The following COL5A1 variants were observed in gnomAD, a reference collection of about 807,000 sequenced individuals.
COL5A1 encodes collagen alpha-1(V) chain.
COL5A1 carries 16 observed loss-of-function variants against 263.7 expected under a neutral mutation model. That is an observed-to-expected ratio of 0.06 (90% CI 0.04 to 0.09). COL5A1 has a LOEUF of 0.09. Ranked by LOEUF, COL5A1 falls within the 10% of genes least tolerant of loss-of-function variation. The pLI, the probability that COL5A1 is intolerant of heterozygous loss-of-function variation, is 1.00. For missense variants in COL5A1, 2,036 were observed against 2,540.5 expected, an observed-to-expected ratio of 0.80 and a Z score of 4.27; for synonymous variants, 1,012 against 1,004.5, an observed-to-expected ratio of 1.01 and a Z score of -0.14.
intron 37 of COL5A1, 67 bp downstream of exon 37, chr9:134,798,528 C>T: frequency 1.4e-6 from 2 of 1,480,088 alleles, no homozygotes; most frequent in Non-Finnish European, 1.9e-6. Flanking sequence ...GTGGGCACAG[C>T]CCTCGCTGCC....
intron 4 of COL5A1, among the ~76,000 whole-genome samples, chr9:134,719,316 C>T (rs1479029116): frequency 1.3e-5 from 2 of 152,218 alleles, no homozygotes; most frequent in South Asian, 2.1e-4. Flanking sequence ...ATGTATGTCA[C>T]GCACACACAC....
intron 11 of COL5A1, among the ~76,000 whole-genome samples, chr9:134,748,420 C>A (rs911614782): frequency 6.6e-6 from 1 of 152,218 alleles, no homozygotes; most frequent in African/African-American, 2.4e-5. Context: ...CATACATGCA[C>A]ACACACTTAC....
At chr9:134,685,124 A>G (rs866346430) in intron 1 of COL5A1, among the ~76,000 whole-genome samples, 4 of 80,554 alleles carry the variant, frequency 5.0e-5, no homozygotes, top group South Asian at 3.7e-4. Flanking sequence ...TCATCCATCC[A>G]TCCATCCATC....
intron 28 of COL5A1, 81 bp from the exon 29 acceptor site, chr9:134,782,586 G>A (rs1019173453): frequency 8.4e-6 from 11 of 1,316,762 alleles, no homozygotes; most frequent in Non-Finnish European, 1.2e-5. Flanking sequence ...TGCTGAGTGT[G>A]GTTGTTTGGA....
rs898717241 is a variant in COL5A1 at position 134,700,998 on chromosome 9, C to A, written c.492-173C>A. Among the ~76,000 whole-genome samples the A allele has an allele frequency of 1.3e-5, 2 of 152,060 alleles. No homozygotes were observed. Among genetic ancestry groups the A allele is most frequent in the Admixed American group, 1.3e-4 (2 of 15,268 alleles). On this transcript the variant is annotated intron_variant, in intron 3 of 65. Transcript: ENST00000371817. This position sits in a 1 kb window ranked among gnomAD's most constrained non-coding sequence, Gnocchi z 4.0. ...TGGGGAATGAGTAGATCTCATGGCA[C>A]GGGGTGTTGCCCTAACTTGTCTGAT... is the stretch of plus-strand genomic sequence containing the variant.
chr9:134,785,454 A>AC (rs1837421182), intron 30 of COL5A1, among the ~76,000 whole-genome samples: 1 of 152,146 alleles, frequency 6.6e-6, no homozygotes, highest in Admixed American at 6.5e-5. Context: ...CATGGCCTGA[A>AC]GGTGTGGCAG....
At chr9:134,734,620 A>G (rs1459374724) in intron 9 of COL5A1, among the ~76,000 whole-genome samples, 1 of 152,026 alleles carries the variant, frequency 6.6e-6, no homozygotes, top group Non-Finnish European at 1.5e-5. Flanking sequence ...GGTCTTTCCC[A>G]CTCAGTCCCG....
intron 9 of COL5A1, among the ~76,000 whole-genome samples, chr9:134,732,921 G>A (rs1320675309): frequency 2.6e-5 from 4 of 152,158 alleles, no homozygotes; most frequent in East Asian, 3.9e-4. Flanking sequence ...GCCCCGCCCC[G>A]CCGCCGGCAG....
rs1835900938 is a variant in COL5A1 at position 134,754,415 on chromosome 9, G to A, written c.1827+89G>A. On this transcript the variant is annotated intron_variant, in intron 16 of 65. Coordinates refer to ENST00000371817, the MANE Select transcript of COL5A1 (RefSeq NM_000093.5). The surrounding 1 kb of genome is among the most constrained non-coding windows in gnomAD (Gnocchi z 4.3). ...GGGGTGCGGGCACCCCCAACAGCCAGCTGGGCCACATGAAGCCAGGTGGCT... is the reference window on the plus strand; with the variant it reads ...GGGGTGCGGGCACCCCCAACAGCCAACTGGGCCACATGAAGCCAGGTGGCT... 6.8e-7 allele frequency: 1 copy of A among 1,470,344 alleles called. No individual in the cohort carries two copies. The highest frequency in any genetic ancestry group is 2.3e-5 in the East Asian group (1 of 44,232). 91.1% of individuals were successfully genotyped at this position (1,470,344 alleles called of 1,614,324 possible). A position where few individuals can be genotyped will look rare whatever the true frequency, so the allele number is the denominator to read the frequency against.
chr9:134,697,948 G>A (rs1302190795), intron 2 of COL5A1, among the ~76,000 whole-genome samples: 1 of 152,226 alleles, frequency 6.6e-6, no homozygotes, highest in Non-Finnish European at 1.5e-5. Flanking sequence ...ATCAGGCGTG[G>A]TGGTGTGGAC....
intron 4 of COL5A1, among the ~76,000 whole-genome samples, chr9:134,721,156 G>C (rs1834438042): frequency 6.6e-6 from 1 of 152,092 alleles, no homozygotes; most frequent in Non-Finnish European, 1.5e-5. Flanking sequence ...AGGTCTCAGG[G>C]ATGCAGGAGG....
At chr9:134,728,486 C>T (rs1834738745) in intron 5 of COL5A1, among the ~76,000 whole-genome samples, 184 bp from the exon 6 acceptor site, 1 of 152,238 alleles carries the variant, frequency 6.6e-6, no homozygotes, top group African/African-American at 2.4e-5. Flanking sequence ...TCTGATGAGG[C>T]TGCGTCAGCT....
At chr9:134,749,844 A>C (rs947358967) in intron 11 of COL5A1, among the ~76,000 whole-genome samples, 5 of 152,242 alleles carry the variant, frequency 3.3e-5, no homozygotes, top group African/African-American at 9.6e-5. Flanking sequence ...TTTGAAAATA[A>C]ATCATCTTAC....
intron 4 of COL5A1, among the ~76,000 whole-genome samples, chr9:134,717,429 GT>G (rs901907992): frequency 2.4e-4 from 37 of 152,326 alleles, no homozygotes; most frequent in African/African-American, 8.4e-4. Flanking sequence ...GGAAAGAATG[GT>G]TTAACGTGGT....
Position 134,820,184 on chromosome 9 carries a change from C to T in COL5A1, c.4515C>T (p.Leu1505=), listed in dbSNP as rs764114280. 4 of 1,613,970 alleles carry T rather than the reference C, an allele frequency of 2.5e-6. No individual in the cohort carries two copies. Among genetic ancestry groups the T allele is most frequent in the South Asian group, 1.1e-5 (1 of 91,082 alleles). ...GEQGEKGDRG[L]PGPQGSSGPK... ...AGGGTGAGAAGGGCGACCGTGGTCT[C>T]CCTGGCCCCCAGGGCTCCTCCGGTC... The change falls in exon 58 of 66, where the codon CTC becomes CTT. Residue 1505 remains leucine, a synonymous_variant. Coordinates refer to ENST00000371817, the MANE Select transcript of COL5A1 (RefSeq NM_000093.5).
intron 29 of COL5A1, among the ~76,000 whole-genome samples, chr9:134,783,598 C>T (rs150202950): frequency 9.7e-4 from 148 of 152,288 alleles, no homozygotes; most frequent in African/African-American, 3.0e-3. Context: ...GGACATCTGT[C>T]GGCTGCAGCA....
At position 134,641,967 on chromosome 9, in the gene COL5A1, G is replaced by C. The variant is rs1311268540; in HGVS notation, c.-221G>C. ...AGCCCAGCGGGGTCCCGGCCGCCCC[G>C]CGGGCCAAAGTCGAGCCCTCCCGCC... On this transcript the variant is annotated 5_prime_UTR_variant, in exon 1 of 66. Coordinates refer to ENST00000371817, the MANE Select transcript of COL5A1 (RefSeq NM_000093.5). The C allele has an allele frequency of 2.5e-6, 1 of 400,846 alleles. No individual in the cohort carries two copies. The highest frequency in any genetic ancestry group is 2.1e-5 in the African/African-American group (1 of 48,358). 24.8% of individuals were successfully genotyped at this position (400,846 alleles called of 1,614,324 possible). A position where few individuals can be genotyped will look rare whatever the true frequency, so the allele number is the denominator to read the frequency against.
intron 9 of COL5A1, among the ~76,000 whole-genome samples, chr9:134,733,838 C>A (rs1200717975): frequency 6.6e-6 from 1 of 152,256 alleles, no homozygotes; most frequent in Non-Finnish European, 1.5e-5. Flanking sequence ...CATCCGGTTG[C>A]ATTTCCCCAG....
intron 4 of COL5A1, among the ~76,000 whole-genome samples, chr9:134,721,143 C>T (rs1251503824): frequency 6.6e-6 from 1 of 152,088 alleles, no homozygotes; most frequent in Non-Finnish European, 1.5e-5. Context: ...TAGTGATGGA[C>T]ACAGGTCTCA....
Sources: gnomAD v4.1 joint callset for allele counts (sites outside exome capture counted in the v4.1 genomes callset) on GRCh38, gnomAD v4.1.1 for gene constraint, Gnocchi (gnomAD v3.1) non-coding constraint, MANE v1.5 for transcripts, NCBI Gene and HGNC (gene_info 2026-07-23, HGNC 2026-07-21) for gene names.